SNTG1: variants seen among roughly 807,000 people sequenced by gnomAD.
SNTG1 encodes the protein gamma-1-syntrophin.
In SNTG1, 39 loss-of-function variants were observed where a neutral mutation model predicts 74.7. That is an observed-to-expected ratio of 0.52 (90% CI 0.40 to 0.68). The LOEUF is 0.68. Ranked by LOEUF, SNTG1 falls within the 30% of genes least tolerant of loss-of-function variation. The pLI, the probability that SNTG1 is intolerant of heterozygous loss-of-function variation, is 0.00. For synonymous variants in SNTG1, 254 were observed against 217.1 expected (o/e 1.17, Z -1.49); for missense variants, 685 against 609.5 (o/e 1.12, Z -1.30).
chr8:50,455,983 T>G (rs528349479), intron 8 of SNTG1, among the ~76,000 whole-genome samples: 42 of 152,374 alleles, frequency 2.8e-4, no homozygotes, highest in Non-Finnish European at 5.6e-4. Flanking sequence ...CAATGTAATT[T>G]AACTTTGAAT....
chr8:50,086,587 G>A (rs1014353577), intron 1 of SNTG1, among the ~76,000 whole-genome samples: 2 of 152,088 alleles, frequency 1.3e-5, no homozygotes, highest in African/African-American at 2.4e-5. Flanking sequence ...CCAGGGGAAG[G>A]ACAGGCTTGG....
chr8:50,190,477 T>A (rs1215291982), intron 2 of SNTG1, among the ~76,000 whole-genome samples: 2 of 152,168 alleles, frequency 1.3e-5, no homozygotes, highest in Non-Finnish European at 2.9e-5. Flanking sequence ...GCAATCAGTT[T>A]GAAATGCATA....
At chr8:50,530,280 C>T (rs147731124) in intron 10 of SNTG1, 21 bp downstream of exon 10, 14 of 1,607,962 alleles carry the variant, frequency 8.7e-6, no homozygotes, top group Admixed American at 1.7e-5. Flanking sequence ...CCAGGCATAG[C>T]TCAGATTAAT....
chr8:50,160,845 G>T (rs2082394234), intron 1 of SNTG1, among the ~76,000 whole-genome samples: 1 of 152,116 alleles, frequency 6.6e-6, no homozygotes, highest in Non-Finnish European at 1.5e-5. Context: ...ATAGAACATA[G>T]ACTGTAGAGA....
At chr8:50,192,909 C>T (rs1324314711) in intron 2 of SNTG1, among the ~76,000 whole-genome samples, 1 of 151,994 alleles carries the variant, frequency 6.6e-6, no homozygotes, top group South Asian at 2.1e-4. Flanking sequence ...AAAAGGATGT[C>T]CTTTCCCTGT....
rs1369089506 is a variant in SNTG1, at chr8:50,619,176, G to T, written c.849+28259G>T. On this transcript the variant is annotated intron_variant, in intron 13 of 18. Coordinates refer to ENST00000642720, the MANE Select transcript of SNTG1 (RefSeq NM_018967.5). ...ATTAGAGCACTATGCTGAATATCATGGCAGATGAAAATGTTCTACTTCTCA... is the reference window on the plus strand; with the variant it reads ...ATTAGAGCACTATGCTGAATATCATTGCAGATGAAAATGTTCTACTTCTCA... 2.6e-5 allele frequency among the ~76,000 whole-genome samples: 4 copies of T among 151,994 alleles called. No homozygotes were observed. In the East Asian group the frequency reaches 7.7e-4, roughly 29 times the overall value.
chr8:49,975,609 G>T lies in SNTG1; in HGVS notation c.-103+63378G>T, dbSNP rs1224065664. On this transcript the variant is annotated intron_variant, in intron 1 of 18. Transcript: ENST00000642720. ...CTTTTGACATCCATAGGACTTGCAA[G>T]ATAGCTCTCCAATAACTATAACAGA... Among the ~76,000 whole-genome samples, 7 of 152,180 alleles carry T rather than the reference G, an allele frequency of 4.6e-5. No individual in the cohort carries two copies. In the East Asian group the frequency reaches 1.4e-3, roughly 29 times the overall value.
chr8:50,185,693 C>A (rs1370815194), intron 2 of SNTG1, among the ~76,000 whole-genome samples: 1 of 151,976 alleles, frequency 6.6e-6, no homozygotes, highest in African/African-American at 2.4e-5. Flanking sequence ...CTTTAAAGTT[C>A]ACTAATAATT....
chr8:50,382,917 G>A (rs1446348992), intron 2 of SNTG1, among the ~76,000 whole-genome samples: 2 of 152,144 alleles, frequency 1.3e-5, no homozygotes, highest in South Asian at 4.1e-4. Context: ...CTGCCTACTC[G>A]AAACAGAATT....
chr8:50,502,825 A>C lies in SNTG1; in HGVS notation c.411A>C (p.Ser137=). The C allele has an allele frequency of 1.2e-6, 2 of 1,613,538 alleles. No individual in the cohort carries two copies. Among genetic ancestry groups the C allele is most frequent in the Non-Finnish European group, 1.7e-6 (2 of 1,179,682 alleles). The change falls in exon 9 of 19, where the codon TCA becomes TCC. Residue 137 remains serine, a synonymous_variant. Transcript: ENST00000642720. ...NAGEEVTLTV[S]FLKRAPAFLK... ...GAGAAGAAGTGACTCTAACAGTGTC[A>C]TTTTTAAAAAGAGCACCTGCTTTCC... is the stretch of plus-strand genomic sequence containing the variant.
intron 18 of SNTG1, among the ~76,000 whole-genome samples, chr8:50,788,252 C>T (rs2095681401): frequency 6.6e-6 from 1 of 151,948 alleles, no homozygotes; most frequent in African/African-American, 2.4e-5. Context: ...AGAAGCCTAT[C>T]TTGAAATCAA....
At chr8:50,006,753 T>G (rs1025148064) in intron 1 of SNTG1, among the ~76,000 whole-genome samples, 1 of 152,168 alleles carries the variant, frequency 6.6e-6, no homozygotes, top group Non-Finnish European at 1.5e-5. Flanking sequence ...CAGGCCAGGT[T>G]GCTGGTGCCA....
intron 1 of SNTG1, among the ~76,000 whole-genome samples, chr8:49,996,575 C>T (rs1022111268): frequency 1.3e-5 from 2 of 152,052 alleles, no homozygotes; most frequent in Non-Finnish European, 2.9e-5. Flanking sequence ...TCTAATAGGA[C>T]TTCTTAAAAT....
At position 50,253,284 on chromosome 8, in the gene SNTG1, G is replaced by A. The variant is rs749770188; in HGVS notation, c.-28+80649G>A. ...ACTAACAATACAAAATTAGCCAGGC[G>A]TGGTGGCGGGCACCTGTAATCCCAG... is the stretch of plus-strand genomic sequence containing the variant. On this transcript the variant is annotated intron_variant, in intron 2 of 18. Transcript: ENST00000642720. 9.9e-5 allele frequency among the ~76,000 whole-genome samples: 15 copies of A among 151,998 alleles called. No individual in the cohort carries two copies. The East Asian group carries it at 1.4e-3, about 14-fold the overall frequency.
chr8:50,355,420 A>G (rs901367592), intron 2 of SNTG1, among the ~76,000 whole-genome samples: 44 of 152,004 alleles, frequency 2.9e-4, no homozygotes, highest in African/African-American at 1.0e-3. Flanking sequence ...TTCTCCTACC[A>G]CCCCTGCCTA....
chr8:50,642,603 G>T (rs1227689031), intron 13 of SNTG1, among the ~76,000 whole-genome samples: 1 of 152,058 alleles, frequency 6.6e-6, no homozygotes, highest in East Asian at 1.9e-4. Context: ...TATCCTTGCT[G>T]TCCCCTCAGC....
chr8:50,442,837 A>G (rs560710251), intron 5 of SNTG1, among the ~76,000 whole-genome samples: 117 of 152,322 alleles, frequency 7.7e-4, no homozygotes, highest in Non-Finnish European at 1.3e-3. Flanking sequence ...GTTCTCAGGC[A>G]GAAACTGCTC....
chr8:50,256,568 C>A (rs1204986352), intron 2 of SNTG1, among the ~76,000 whole-genome samples: 1 of 151,616 alleles, frequency 6.6e-6, no homozygotes, highest in Non-Finnish European at 1.5e-5. Flanking sequence ...AAGGAAATAG[C>A]AGAATTGAGG....
intron 9 of SNTG1, among the ~76,000 whole-genome samples, chr8:50,509,268 C>G (rs2094041278): frequency 6.6e-6 from 1 of 152,058 alleles, no homozygotes; most frequent in Non-Finnish European, 1.5e-5. Context: ...CTGTTCTGTT[C>G]CATTGGTCTC....
Sources: allele counts gnomAD v4.1 joint callset (sites outside exome capture counted in the v4.1 genomes callset), GRCh38; gene constraint gnomAD v4.1.1; transcripts MANE v1.5; gene names NCBI Gene and HGNC (gene_info 2026-07-23, HGNC 2026-07-21).